The following SMYD3 variants were observed in gnomAD, a reference collection of about 807,000 sequenced individuals.
SMYD3 encodes SET and MYND domain containing 3.
A neutral mutation model predicts 57.7 loss-of-function variants in SMYD3; 36 were observed. The observed-to-expected ratio is 0.62, with a 90% confidence interval of 0.48 to 0.82. The LOEUF is 0.82. Ranked by LOEUF, SMYD3 falls within the 40% of genes least tolerant of loss-of-function variation. The pLI is 0.00. For missense variants in SMYD3, 515 were observed against 538.8 expected, an observed-to-expected ratio of 0.96 and a Z score of 0.44; for synonymous variants, 211 against 195.0, an observed-to-expected ratio of 1.08 and a Z score of -0.68.
At chr1:246,259,085 T>C (rs2063951933) in intron 5 of SMYD3, among the ~76,000 whole-genome samples, 2 of 152,186 alleles carry the variant, frequency 1.3e-5, no homozygotes, top group African/African-American at 4.8e-5. Flanking sequence ...CTTTTTAAGA[T>C]ATTTATCTCT....
At chr1:245,885,604 C>T (rs1294881262) in intron 8 of SMYD3, among the ~76,000 whole-genome samples, 1 of 152,168 alleles carries the variant, frequency 6.6e-6, no homozygotes, top group African/African-American at 2.4e-5. Flanking sequence ...CTCCTGCAGG[C>T]TGAAGAGTTT....
At chr1:246,051,460 A>G (rs576490222) in intron 5 of SMYD3, among the ~76,000 whole-genome samples, 10 of 152,244 alleles carry the variant, frequency 6.6e-5, no homozygotes, top group Admixed American at 5.9e-4. Context: ...CTAGGGAGTA[A>G]CACAGAAGTT....
At chr1:246,466,479 A>G (rs1021405560) in intron 1 of SMYD3, among the ~76,000 whole-genome samples, 2 of 152,212 alleles carry the variant, frequency 1.3e-5, no homozygotes, top group Non-Finnish European at 2.9e-5. Flanking sequence ...AAATGATGAG[A>G]ACACATGGAC....
At chr1:246,296,491 G>T (rs766116537) in intron 5 of SMYD3, among the ~76,000 whole-genome samples, 1 of 152,004 alleles carries the variant, frequency 6.6e-6, no homozygotes, top group Non-Finnish European at 1.5e-5. Context: ...AACCTATATA[G>T]TTAATGCAGA....
chr1:246,020,261 C>T (rs2059448596), intron 5 of SMYD3, among the ~76,000 whole-genome samples: 1 of 152,162 alleles, frequency 6.6e-6, no homozygotes, highest in African/African-American at 2.4e-5. Flanking sequence ...CAGCACAATA[C>T]CTTTTAAAAA....
intron 5 of SMYD3, among the ~76,000 whole-genome samples, chr1:245,993,010 A>G (rs1395190565): frequency 6.6e-6 from 1 of 152,180 alleles, no homozygotes; most frequent in South Asian, 2.1e-4. Context: ...TCTACAATCT[A>G]TCAAGGCCTC....
At chr1:245,749,754 G>T in intron 11 of SMYD3, 90 bp from the exon 12 acceptor site, 2 of 953,620 alleles carry the variant, frequency 2.1e-6, no homozygotes, top group South Asian at 1.4e-5. Context: ...CAGGGGCCTG[G>T]TGAACCCCAC....
intron 3 of SMYD3, 69 bp downstream of exon 3, chr1:246,335,298 A>G: frequency 1.5e-6 from 2 of 1,315,462 alleles, no homozygotes; most frequent in Non-Finnish European, 2.2e-6. Flanking sequence ...TCTGAGGTAT[A>G]CCGGAAAATG....
At chr1:245,899,844 A>C (rs2054070674) in intron 8 of SMYD3, among the ~76,000 whole-genome samples, 1 of 152,202 alleles carries the variant, frequency 6.6e-6, no homozygotes, top group African/African-American at 2.4e-5. Context: ...TAAAAGCAAA[A>C]GAGAATTCCT....
At chr1:245,774,067 C>A (rs925877845) in intron 10 of SMYD3, among the ~76,000 whole-genome samples, 2 of 125,400 alleles carry the variant, frequency 1.6e-5, no homozygotes, top group African/African-American at 5.8e-5. Flanking sequence ...ATGTAGAACG[C>A]TCGATGAAAT....
At chr1:246,230,500 T>C (rs533958001) in intron 5 of SMYD3, among the ~76,000 whole-genome samples, 1 of 152,324 alleles carries the variant, frequency 6.6e-6, no homozygotes, top group African/African-American at 2.4e-5. Flanking sequence ...TTGCCAACTC[T>C]GGAGAGATCC....
chr1:245,918,367 G>A (rs138280270), intron 7 of SMYD3, among the ~76,000 whole-genome samples: 5 of 152,258 alleles, frequency 3.3e-5, no homozygotes, highest in Non-Finnish European at 4.4e-5. Flanking sequence ...TCTCATACTT[G>A]GCAGGGAGAG....
intron 1 of SMYD3, among the ~76,000 whole-genome samples, chr1:246,457,636 T>G (rs1385732221): frequency 6.6e-6 from 1 of 152,152 alleles, no homozygotes; most frequent in East Asian, 1.9e-4. Context: ...TTTCTCAACT[T>G]GGCTGTAACC....
chr1:246,288,522 G>C lies in SMYD3; in HGVS notation c.531+38679C>G, dbSNP rs142571630. Among the ~76,000 whole-genome samples, 980 of 152,214 alleles carry C rather than the reference G, an allele frequency of 6.4e-3. 9 individuals carry two copies. Among genetic ancestry groups the C allele is most frequent in the African/African-American group, 0.021 (889 of 41,524 alleles). On this transcript the variant is annotated intron_variant, in intron 5 of 11. Transcript: ENST00000490107. ...AGACTAAGACTCCCCAGAGTGGAGA[G>C]ATGGCAAGAATAAAAGCTAAGGCTA...
chr1:246,433,983 C>G (rs1310397743), intron 1 of SMYD3, among the ~76,000 whole-genome samples: 1 of 152,166 alleles, frequency 6.6e-6, no homozygotes, highest in Non-Finnish European at 1.5e-5. Flanking sequence ...CCACAGGCAT[C>G]TGATCTTTAA....
At chr1:245,833,059 C>CAAAAAAAAAAAAAAAAAAAAAA (rs35215737) in intron 10 of SMYD3, among the ~76,000 whole-genome samples, 1 of 40,842 alleles carries the variant, frequency 2.4e-5, no homozygotes. Context: ...GAATATGTGA[C>CAAAAAAAAAAAAAAAAAAAAAA]AAAAAAAAAA....
In SMYD3 at chr1:246,259,205, T is replaced by C. The variant is rs10924645; in HGVS notation, c.531+67996A>G. ...CATGCTTTGAATTACTTATCTGTCATATCTGAGTTTCCATTTTGGTTAGGA... is the reference window on the plus strand; with the variant it reads ...CATGCTTTGAATTACTTATCTGTCACATCTGAGTTTCCATTTTGGTTAGGA... On this transcript the variant is annotated intron_variant, in intron 5 of 11. Coordinates refer to ENST00000490107, the MANE Select transcript of SMYD3 (RefSeq NM_001167740.2). Among the ~76,000 whole-genome samples, 1,112 of 152,328 alleles carry C rather than the reference T, an allele frequency of 7.3e-3. 15 individuals are homozygous for C. The highest frequency in any genetic ancestry group is 0.025 in the African/African-American group (1,023 of 41,590).
intron 5 of SMYD3, among the ~76,000 whole-genome samples, chr1:246,204,279 T>G (rs1439185407): frequency 6.6e-6 from 1 of 152,192 alleles, no homozygotes; most frequent in Admixed American, 6.5e-5. Context: ...TCACTCATCC[T>G]CACATTAATG....
chr1:245,997,165 T>C (rs1362214170), intron 5 of SMYD3, among the ~76,000 whole-genome samples: 2 of 152,250 alleles, frequency 1.3e-5, no homozygotes, highest in African/African-American at 4.8e-5. Flanking sequence ...AATGAATTTA[T>C]TTAATGATGC....
Sources: allele counts gnomAD v4.1 joint callset (sites outside exome capture counted in the v4.1 genomes callset), GRCh38; gene constraint gnomAD v4.1.1; transcripts MANE v1.5; gene names NCBI Gene and HGNC (gene_info 2026-07-23, HGNC 2026-07-21).